The following GRID1 variants were observed in gnomAD, a reference collection of about 807,000 sequenced individuals.
GRID1 encodes the protein glutamate ionotropic receptor delta type subunit 1, also known as glutamate receptor ionotropic, delta-1.
Under a neutral mutation model 98.0 loss-of-function variants are expected in GRID1, and 28 were observed. The observed-to-expected ratio is 0.29, with a 90% CI of 0.21 to 0.39. The LOEUF (loss-of-function observed/expected upper bound fraction) is 0.39. GRID1 is among the 10% of genes least tolerant of loss of function. The pLI, the probability that GRID1 is intolerant of heterozygous loss-of-function variation, is 1.00. For missense variants in GRID1, 1,111 were observed against 1,340.5 expected (o/e 0.83, Z 2.67); for synonymous variants, 553 against 538.5 (o/e 1.03, Z -0.37).
intron 2 of GRID1, among the ~76,000 whole-genome samples, chr10:86,344,185 G>A (rs978825218): frequency 2.6e-5 from 4 of 152,220 alleles, no homozygotes; most frequent in African/African-American, 9.6e-5. Context: ...CTGGCACTGG[G>A]TCAACCCTCA....
rs73330552 is a variant in GRID1, at chr10:85,818,242, A to G, written c.1233+36254T>C. ...CTTCCTGATGGATGAGTTAGAAATC[A>G]TGATTATTTATACATACATGTATGT... On this transcript the variant is annotated intron_variant, in intron 8 of 15. Coordinates refer to ENST00000327946, the MANE Select transcript of GRID1 (RefSeq NM_017551.3). Among the ~76,000 whole-genome samples, 874 of 152,346 alleles carry G rather than the reference A, an allele frequency of 5.7e-3. 8 individuals carry two copies. The highest frequency in any genetic ancestry group is 0.02 in the African/African-American group (820 of 41,582).
At chr10:85,849,212 C>T (rs1444921364) in intron 8 of GRID1, among the ~76,000 whole-genome samples, 3 of 152,294 alleles carry the variant, frequency 2.0e-5, no homozygotes, top group South Asian at 2.1e-4. Context: ...CAGATCTGCA[C>T]GAGGATGTTA....
At chr10:85,748,007 G>A (rs1917145) in intron 8 of GRID1, among the ~76,000 whole-genome samples, 7,361 of 152,182 alleles carry the variant, frequency 0.048, 294 homozygotes, top group African/African-American at 0.11. Context: ...TACTTTGTAA[G>A]ATTAGAGGGG....
chr10:86,125,101 G>A (rs1306506988), intron 4 of GRID1, among the ~76,000 whole-genome samples: 3 of 152,222 alleles, frequency 2.0e-5, no homozygotes, highest in African/African-American at 7.2e-5. Flanking sequence ...CACTGGCATG[G>A]ACAGGCTCCC....
intron 7 of GRID1, among the ~76,000 whole-genome samples, chr10:85,855,433 C>G (rs1483872553): frequency 6.6e-6 from 1 of 152,220 alleles, no homozygotes; most frequent in African/African-American, 2.4e-5. Flanking sequence ...GGGGCCCTGG[C>G]TCTGCCCTGG....
chr10:85,608,592 T>C (rs1009641718), intron 15 of GRID1, among the ~76,000 whole-genome samples: 1 of 152,176 alleles, frequency 6.6e-6, no homozygotes, highest in African/African-American at 2.4e-5. Context: ...ATACTTGAAT[T>C]ATATTCATCA....
intron 3 of GRID1, among the ~76,000 whole-genome samples, chr10:86,170,401 C>T (rs1041377670): frequency 2.0e-5 from 3 of 152,232 alleles, no homozygotes; most frequent in Non-Finnish European, 2.9e-5. Context: ...ATAGGATTGT[C>T]GTTTGAGGCC....
intron 4 of GRID1, among the ~76,000 whole-genome samples, chr10:86,123,466 T>C (rs893922407): frequency 4.6e-5 from 7 of 152,136 alleles, no homozygotes; most frequent in Non-Finnish European, 1.0e-4. Flanking sequence ...GTGGAACACA[T>C]GCAAACTCTG....
chr10:86,284,920 C>A (rs1847408129), intron 2 of GRID1, among the ~76,000 whole-genome samples: 1 of 152,174 alleles, frequency 6.6e-6, no homozygotes, highest in Non-Finnish European at 1.5e-5. Flanking sequence ...TGGTTCAGGA[C>A]AGCCTTGTCA....
intron 2 of GRID1, among the ~76,000 whole-genome samples, chr10:86,237,095 T>A (rs902281828): frequency 4.6e-5 from 7 of 152,114 alleles, no homozygotes; most frequent in Non-Finnish European, 8.8e-5. Context: ...TGTGCCAGGA[T>A]CTGTGTCATG....
chr10:85,765,907 A>T (rs936553893), intron 8 of GRID1, among the ~76,000 whole-genome samples: 1 of 152,180 alleles, frequency 6.6e-6, no homozygotes, highest in African/African-American at 2.4e-5. Flanking sequence ...GTTTAGTGGG[A>T]TACTTTCCCA....
At chr10:86,260,856 C>T (rs1382361432) in intron 2 of GRID1, among the ~76,000 whole-genome samples, 1 of 152,226 alleles carries the variant, frequency 6.6e-6, no homozygotes, top group Non-Finnish European at 1.5e-5. Context: ...ATAAGACAGC[C>T]GGTTCCTTCA....
intron 3 of GRID1, among the ~76,000 whole-genome samples, chr10:86,185,447 C>T (rs1845714564): frequency 6.6e-6 from 1 of 152,012 alleles, no homozygotes. Flanking sequence ...TCTTTCCAAT[C>T]TGGGCATCTT....
intron 12 of GRID1, among the ~76,000 whole-genome samples, chr10:85,707,015 GA>G (rs1179971356): frequency 6.6e-6 from 1 of 152,132 alleles, no homozygotes; most frequent in Non-Finnish European, 1.5e-5. Flanking sequence ...AACCCTAGAA[GA>G]AAACCTAGGC....
chr10:85,881,478 C>A (rs1160988544), intron 5 of GRID1, among the ~76,000 whole-genome samples: 2 of 152,304 alleles, frequency 1.3e-5, no homozygotes, highest in African/African-American at 4.8e-5. Flanking sequence ...CACATATCTA[C>A]AACCAGCTGA....
intron 8 of GRID1, among the ~76,000 whole-genome samples, chr10:85,827,112 G>T (rs113499274): frequency 0.03 from 4,528 of 152,224 alleles, 113 homozygotes; most frequent in Non-Finnish European, 0.047. Context: ...GCCAGCAATG[G>T]TTCTTAATGA....
At chr10:86,091,258 G>A (rs370355843) in intron 4 of GRID1, among the ~76,000 whole-genome samples, 8 of 152,164 alleles carry the variant, frequency 5.3e-5, no homozygotes, top group Non-Finnish European at 7.3e-5. Flanking sequence ...AGCCCATCTC[G>A]CACTCTGCCT....
At chr10:85,858,456 T>A (rs1843134557) in intron 6 of GRID1, among the ~76,000 whole-genome samples, 1 of 152,140 alleles carries the variant, frequency 6.6e-6, no homozygotes, top group African/African-American at 2.4e-5. Context: ...ACTTGAGGCC[T>A]AGAGGAGCAT....
In GRID1 at chr10:85,978,781, C is replaced by T. The variant is rs115792968; in HGVS notation, c.727-62542G>A. Among the ~76,000 whole-genome samples, 1,070 of 152,328 alleles carry T rather than the reference C, an allele frequency of 7.0e-3. 16 individuals carry two copies. The highest frequency in any genetic ancestry group is 0.024 in the African/African-American group (997 of 41,576). ...CAGCAAGCAGTGTGCTGATGAAGTC[C>T]AGACTCACCTCCCAGCCATCCAGGT... is the stretch of plus-strand genomic sequence containing the variant. On this transcript the variant is annotated intron_variant, in intron 4 of 15. Coordinates refer to ENST00000327946, the MANE Select transcript of GRID1 (RefSeq NM_017551.3).
Sources: gnomAD v4.1 joint callset for allele counts (sites outside exome capture counted in the v4.1 genomes callset) on GRCh38, gnomAD v4.1.1 for gene constraint, MANE v1.5 for transcripts, NCBI Gene and HGNC (gene_info 2026-07-23, HGNC 2026-07-21) for gene names.